HIVEP2: variants seen among roughly 807,000 people sequenced by gnomAD.
The protein encoded by HIVEP2 is transcription factor HIVEP2.
HIVEP2 carries 14 observed loss-of-function variants against 180.7 expected under a neutral mutation model. The observed-to-expected ratio is 0.08, with a 90% CI of 0.05 to 0.12. HIVEP2 has a LOEUF of 0.12. Among genes scored for constraint, HIVEP2 ranks in the 10% least tolerant of loss-of-function variants. The pLI is 1.00. For synonymous variants in HIVEP2, 1,184 were observed against 1,136.4 expected (o/e 1.04, Z -0.84); for missense variants, 2,579 against 3,008.5 (o/e 0.86, Z 3.34).
intron 9 of HIVEP2, 47 bp from the exon 10 acceptor site, chr6:142,753,978 T>C: frequency 9.8e-7 from 1 of 1,015,610 alleles, no homozygotes; most frequent in Non-Finnish European, 1.5e-6. Flanking sequence ...CCTGCTACGC[T>C]TCATTCTTAG....
intron 1 of HIVEP2, among the ~76,000 whole-genome samples, chr6:142,914,155 C>T (rs1450377860): frequency 3.9e-5 from 6 of 152,128 alleles, no homozygotes; most frequent in Admixed American, 3.9e-4. Context: ...TCTTGGTGCC[C>T]CCATTTTCTC....
At position 142,772,366 on chromosome 6, in the gene HIVEP2, G is replaced by T; in HGVS notation, c.2373C>A (p.Gly791=). The part of the protein sequence containing the change: ...IDSDKMSDLG[G]RKPPGNVISV... ...AAATCACATTTCCAGGAGGTTTCCT[G>T]CCCCCTAGGTCTGACATCTTGTCTG... is the stretch of plus-strand genomic sequence containing the variant. The change falls in exon 5 of 10, where the codon GGC becomes GGA. Residue 791 remains glycine, a synonymous_variant. Coordinates refer to ENST00000367603, the MANE Select transcript of HIVEP2 (RefSeq NM_006734.4). The surrounding 1 kb of genome is among the most constrained non-coding windows in gnomAD (Gnocchi z 4.9). The T allele has an allele frequency of 1.2e-6, 2 of 1,614,222 alleles. No individual in the cohort carries two copies. The highest frequency in any genetic ancestry group is 1.7e-5 in the Admixed American group (1 of 60,034).
chr6:142,847,181 A>C (rs1775535646), intron 1 of HIVEP2, among the ~76,000 whole-genome samples: 1 of 152,202 alleles, frequency 6.6e-6, no homozygotes, highest in South Asian at 2.1e-4. Flanking sequence ...TGGGGGTGGA[A>C]TCACTTCCAA....
At chr6:142,763,945 G>T (rs1380777368) in intron 7 of HIVEP2, among the ~76,000 whole-genome samples, 2 of 152,194 alleles carry the variant, frequency 1.3e-5, no homozygotes, top group African/African-American at 4.8e-5. Context: ...CTCTACCAAA[G>T]ATAATTTTAC....
chr6:142,873,839 C>G (rs1162045676), intron 1 of HIVEP2, among the ~76,000 whole-genome samples: 1 of 152,010 alleles, frequency 6.6e-6, no homozygotes, highest in African/African-American at 2.4e-5. Context: ...TTAAGTTGAC[C>G]AATAATTTTT....
chr6:142,785,215 A>C (rs1775958495), intron 2 of HIVEP2, among the ~76,000 whole-genome samples: 2 of 151,154 alleles, frequency 1.3e-5, no homozygotes, highest in Admixed American at 1.3e-4. Context: ...TTAACACACT[A>C]AATATCACAT....
At chr6:142,755,589 G>A (rs1019400302) in intron 9 of HIVEP2, among the ~76,000 whole-genome samples, 19 of 152,074 alleles carry the variant, frequency 1.2e-4, no homozygotes, top group African/African-American at 4.3e-4. Context: ...TGGATCTGTG[G>A]GGAAACCAAG....
intron 1 of HIVEP2, among the ~76,000 whole-genome samples, chr6:142,866,515 C>T (rs1272703449): frequency 7.1e-6 from 1 of 140,422 alleles, no homozygotes. Flanking sequence ...TAACTCCTAA[C>T]TCCTTTATTA....
intron 3 of HIVEP2, among the ~76,000 whole-genome samples, chr6:142,782,857 CT>C (rs1252629514): frequency 6.6e-6 from 1 of 152,134 alleles, no homozygotes; most frequent in Non-Finnish European, 1.5e-5. Flanking sequence ...CAGCATGCTG[CT>C]TTTAATATTT....
At chr6:142,867,556 T>G (rs986434619) in intron 1 of HIVEP2, among the ~76,000 whole-genome samples, 9 of 152,170 alleles carry the variant, frequency 5.9e-5, no homozygotes, top group Admixed American at 5.2e-4. Context: ...CAGTGACAGC[T>G]TTGGTCAGCA....
At chr6:142,839,302 T>A (rs1414854638) in intron 1 of HIVEP2, among the ~76,000 whole-genome samples, 1 of 152,096 alleles carries the variant, frequency 6.6e-6, no homozygotes, top group African/African-American at 2.4e-5. Context: ...TCAAATAATT[T>A]TATAACCTGA....
chr6:142,811,200 T>A (rs76186331), intron 2 of HIVEP2, among the ~76,000 whole-genome samples: 2,156 of 151,638 alleles, frequency 0.014, 66 homozygotes, highest in African/African-American at 0.049. Context: ...TGTGTGTGTG[T>A]GAGAGAGACA....
intron 2 of HIVEP2, among the ~76,000 whole-genome samples, chr6:142,828,236 C>T (rs1774967450): frequency 6.6e-6 from 1 of 152,192 alleles, no homozygotes; most frequent in Admixed American, 6.5e-5. Context: ...AGACTTGCCT[C>T]TGTTAGTTTT....
chr6:142,846,693 A>C (rs1372812113), intron 1 of HIVEP2, among the ~76,000 whole-genome samples: 2 of 152,194 alleles, frequency 1.3e-5, no homozygotes, highest in Admixed American at 6.5e-5. Flanking sequence ...TGAGGTTCTG[A>C]TTCTTCTACC....
At chr6:142,896,540 T>C (rs1776999640) in intron 1 of HIVEP2, among the ~76,000 whole-genome samples, 1 of 152,198 alleles carries the variant, frequency 6.6e-6, no homozygotes, top group Non-Finnish European at 1.5e-5. Flanking sequence ...GATGCTCTGC[T>C]CAGCACTCTC....
chr6:142,887,305 GC>G (rs2128419534), intron 1 of HIVEP2, among the ~76,000 whole-genome samples: 1 of 152,002 alleles, frequency 6.6e-6, no homozygotes, highest in South Asian at 2.1e-4. Flanking sequence ...ATTCCTATTT[GC>G]CAAAGAAGAA....
intron 1 of HIVEP2, among the ~76,000 whole-genome samples, chr6:142,938,048 A>C (rs555673296): frequency 6.6e-6 from 1 of 152,200 alleles, no homozygotes; most frequent in Non-Finnish European, 1.5e-5. Flanking sequence ...CTACAACTAC[A>C]AAGTAGAATT....
chr6:142,834,984 T>C (rs2072877958), intron 2 of HIVEP2, among the ~76,000 whole-genome samples: 2 of 152,006 alleles, frequency 1.3e-5, no homozygotes, highest in African/African-American at 4.8e-5. Flanking sequence ...AAGTATTTGA[T>C]TTAATTGAGA....
At position 142,849,617 on chromosome 6, in the gene HIVEP2, C is replaced by T. The variant is rs560462857; in HGVS notation, c.-640-12570G>A. On this transcript the variant is annotated intron_variant, in intron 1 of 9. Transcript: ENST00000367603. ...GCAGCCTTGACCTCCCAGGCTTAAG[C>T]CATCCTCCCACCTCAGCCTCCTGAG... is the stretch of plus-strand genomic sequence containing the variant. Among the ~76,000 whole-genome samples the T allele has an allele frequency of 4.6e-5, 7 of 152,042 alleles. No homozygotes were observed. The East Asian group carries it at 1.4e-3, about 29-fold the overall frequency.
Sources: allele counts gnomAD v4.1 joint callset (sites outside exome capture counted in the v4.1 genomes callset), GRCh38; gene constraint gnomAD v4.1.1; non-coding constraint Gnocchi (gnomAD v3.1); transcripts MANE v1.5; gene names NCBI Gene and HGNC (gene_info 2026-07-23, HGNC 2026-07-21).